Variants in PDZD2 observed in about 807,000 individuals in gnomAD.
PDZD2 encodes PDZ domain-containing protein 2.
PDZD2 carries 90 observed loss-of-function variants against 220.7 expected under a neutral mutation model. The observed-to-expected ratio is 0.41, with a 90% confidence interval of 0.34 to 0.49. PDZD2 has a LOEUF of 0.49. Ranked by LOEUF, PDZD2 falls within the 20% of genes least tolerant of loss-of-function variation. PDZD2 has a pLI of 0.28. For synonymous variants in PDZD2, 1,375 were observed against 1,450.5 expected, an observed-to-expected ratio of 0.95 and a Z score of 1.18; for missense variants, 3,174 against 3,608.5, an observed-to-expected ratio of 0.88 and a Z score of 3.08.
At chr5:31,936,711 G>T (rs1395242539) in intron 2 of PDZD2, among the ~76,000 whole-genome samples, 1 of 152,210 alleles carries the variant, frequency 6.6e-6, no homozygotes, top group African/African-American at 2.4e-5. Flanking sequence ...CCGATTTTCA[G>T]GCTTGACTGT....
chr5:31,912,670 C>G (rs549696181), intron 2 of PDZD2, among the ~76,000 whole-genome samples: 1 of 152,184 alleles, frequency 6.6e-6, no homozygotes. Flanking sequence ...GTGGGACTAA[C>G]GTGAGGGTCC....
intron 1 of PDZD2, among the ~76,000 whole-genome samples, chr5:31,648,971 G>C (rs1745235696): frequency 1.3e-5 from 2 of 152,122 alleles, no homozygotes; most frequent in African/African-American, 4.8e-5. Flanking sequence ...TATATGAGTA[G>C]TTTCACTGGC....
chr5:31,668,401 C>G (rs1346807256), intron 1 of PDZD2, among the ~76,000 whole-genome samples: 4 of 152,330 alleles, frequency 2.6e-5, no homozygotes, highest in Non-Finnish European at 4.4e-5. Flanking sequence ...AGTGTTCTGA[C>G]TTTTCTGCAG....
At chr5:31,713,899 T>TG (rs776086585) in intron 1 of PDZD2, among the ~76,000 whole-genome samples, 1 of 152,222 alleles carries the variant, frequency 6.6e-6, no homozygotes, top group Non-Finnish European at 1.5e-5. Context: ...GCTCACCAGA[T>TG]GCAGATGCCA....
intron 2 of PDZD2, among the ~76,000 whole-genome samples, chr5:31,859,509 T>G (rs925845490): frequency 2.6e-5 from 4 of 152,204 alleles, no homozygotes; most frequent in African/African-American, 9.7e-5. Context: ...TATCTGAAAT[T>G]TTCTTTTTAT....
intron 1 of PDZD2, among the ~76,000 whole-genome samples, chr5:31,663,549 G>A (rs550580810): frequency 6.6e-6 from 1 of 152,284 alleles, no homozygotes; most frequent in Middle Eastern, 3.4e-3. Context: ...CCTTCTCTGT[G>A]CTGTTGAAAT....
At chr5:31,842,585 C>A (rs910950818) in intron 2 of PDZD2, among the ~76,000 whole-genome samples, 2 of 152,228 alleles carry the variant, frequency 1.3e-5, no homozygotes, top group Admixed American at 1.3e-4. Flanking sequence ...GACCAGAAGT[C>A]AAGAAACCTG....
chr5:31,995,432 G>C, intron 3 of PDZD2, 144 bp from the exon 4 acceptor site: 1 of 815,132 alleles, frequency 1.2e-6, no homozygotes, highest in Non-Finnish European at 2.0e-6. Flanking sequence ...GGGTCCAATC[G>C]GCAGAATTCT....
chr5:31,671,087 T>C (rs1390440424), intron 1 of PDZD2, among the ~76,000 whole-genome samples: 2 of 152,142 alleles, frequency 1.3e-5, no homozygotes, highest in East Asian at 1.9e-4. Context: ...CCAGGCAGGG[T>C]GGCTTGGGAG....
intron 22 of PDZD2, among the ~76,000 whole-genome samples, chr5:32,097,702 C>T (rs1743853767): frequency 6.6e-6 from 1 of 152,164 alleles, no homozygotes; most frequent in Non-Finnish European, 1.5e-5. Flanking sequence ...TATACAATTA[C>T]TCCCGTCTCA....
intron 2 of PDZD2, among the ~76,000 whole-genome samples, chr5:31,854,558 AC>A (rs764909524): frequency 1.8e-4 from 27 of 152,152 alleles, no homozygotes; most frequent in Non-Finnish European, 3.5e-4. Context: ...GGATTATGAA[AC>A]GGAGTGGTCA....
At chr5:32,078,981 C>T (rs1464768633) in intron 19 of PDZD2, among the ~76,000 whole-genome samples, 3 of 151,628 alleles carry the variant, frequency 2.0e-5, no homozygotes, top group Non-Finnish European at 2.9e-5. Context: ...TCTGGTGGGG[C>T]GCGGTGGCTC....
intron 5 of PDZD2, among the ~76,000 whole-genome samples, chr5:32,007,752 AG>A: frequency 6.6e-6 from 1 of 152,344 alleles, no homozygotes; most frequent in East Asian, 1.9e-4. Context: ...AAGGACTGAG[AG>A]AACAGGTAGC....
intron 1 of PDZD2, among the ~76,000 whole-genome samples, chr5:31,699,501 C>T (rs559972672): frequency 2.6e-5 from 4 of 152,154 alleles, no homozygotes; most frequent in East Asian, 3.9e-4. Context: ...GTAATCCCAG[C>T]GCTTTGGGAG....
intron 2 of PDZD2, chr5:31,908,315 G>A (rs972847286): frequency 4.4e-5 from 11 of 248,952 alleles, no homozygotes; most frequent in African/African-American, 2.5e-4. Context: ...GCTCCTAGAA[G>A]GCAGCGCCAC....
chr5:31,642,999 G>A (rs1242157001), intron 1 of PDZD2, among the ~76,000 whole-genome samples: 2 of 152,292 alleles, frequency 1.3e-5, no homozygotes, highest in Admixed American at 6.5e-5. Flanking sequence ...AGAACTTCCT[G>A]CTGGGCCAGA....
In PDZD2 at chr5:31,833,980, G is replaced by A. The variant is rs117272066; in HGVS notation, c.476+34256G>A. On this transcript the variant is annotated intron_variant, in intron 2 of 24. Transcript: ENST00000438447. ...GGATGCCACCATGCCAGAGATGAGG[G>A]ATGCCTCAGAGGAGAAAGTTCTATG... Among the ~76,000 whole-genome samples the A allele has an allele frequency of 1.1e-3, 169 of 152,364 alleles. 6 individuals carry two copies. The East Asian group carries it at 0.032, about 28-fold the overall frequency.
intron 1 of PDZD2, among the ~76,000 whole-genome samples, chr5:31,791,102 C>T (rs957998705): frequency 1.1e-4 from 17 of 152,102 alleles, no homozygotes; most frequent in Non-Finnish European, 2.5e-4. Context: ...TTACAAACTC[C>T]GGCTAGTAGG....
chr5:31,790,087 G>A (rs1753611835), intron 1 of PDZD2, among the ~76,000 whole-genome samples: 1 of 152,140 alleles, frequency 6.6e-6, no homozygotes, highest in Non-Finnish European at 1.5e-5. Context: ...CATGGCCCTT[G>A]CCTCTTACTG....
Sources: allele counts gnomAD v4.1 joint callset (sites outside exome capture counted in the v4.1 genomes callset), GRCh38; gene constraint gnomAD v4.1.1; transcripts MANE v1.5; gene names NCBI Gene and HGNC (gene_info 2026-07-23, HGNC 2026-07-21).